The following ANKRD26 variants were observed in gnomAD, a reference collection of about 807,000 sequenced individuals.
The protein encoded by ANKRD26 is ankyrin repeat domain 26, also known as ankyrin repeat domain-containing protein 26.
A neutral mutation model predicts 208.7 loss-of-function variants in ANKRD26; 141 were observed. The ratio of observed to expected loss-of-function variants is 0.68; its 90% CI spans 0.59 to 0.78. The LOEUF (loss-of-function observed/expected upper bound fraction) is 0.78. Ranked by LOEUF, ANKRD26 falls within the 30% of genes least tolerant of loss-of-function variation. ANKRD26 has a pLI of 0.00. For missense variants in ANKRD26, 1,889 were observed against 1,938.7 expected (o/e 0.97, Z 0.48); for synonymous variants, 636 against 660.4 (o/e 0.96, Z 0.57).
intron 16 of ANKRD26, chr10:27,052,039 G>A: frequency 2.0e-6 from 2 of 985,312 alleles, no homozygotes; most frequent in Non-Finnish European, 2.4e-6. Flanking sequence ...TTCAGTTCTG[G>A]TTCTTGAGAC....
At chr10:26,956,544 A>T in the ANKRD26 span, among the ~76,000 whole-genome samples, 1 of 152,078 alleles carries the variant, frequency 6.6e-6, no homozygotes, top group Non-Finnish European at 1.5e-5. Context: ...AAGTAGGAGG[A>T]TCACTTGAGC....
chr10:26,963,376 C>T, the ANKRD26 span, among the ~76,000 whole-genome samples: 1 of 152,198 alleles, frequency 6.6e-6, no homozygotes, highest in Non-Finnish European at 1.5e-5. Context: ...CACAAATTTC[C>T]TTGAATGCTC....
intron 5 of ANKRD26, among the ~76,000 whole-genome samples, chr10:27,084,229 A>AAAAAAG (rs201506660): frequency 0.11 from 14,871 of 140,282 alleles, 910 homozygotes; most frequent in East Asian, 0.31. Context: ...AAAAAAAAAA[A>AAAAAAG]AAAAAAGAAA....
intron 33 of ANKRD26, 73 bp from the exon 34 acceptor site, chr10:27,005,796 A>G (rs1184857269): frequency 1.3e-6 from 2 of 1,534,402 alleles, no homozygotes; most frequent in Non-Finnish European, 1.7e-6. Flanking sequence ...AGTCAGTAAA[A>G]GAGTTGAGAA....
chr10:26,987,505 T>A (rs2052410807), downstream of ANKRD26, among the ~76,000 whole-genome samples: 1 of 152,194 alleles, frequency 6.6e-6, no homozygotes, highest in African/African-American at 2.4e-5. Flanking sequence ...CGGCATAGCC[T>A]GTTCTAACAT....
chr10:26,960,457 A>G, the ANKRD26 span, among the ~76,000 whole-genome samples: 1 of 152,180 alleles, frequency 6.6e-6, no homozygotes, highest in South Asian at 2.1e-4. Flanking sequence ...GCTCCTCCAG[A>G]CCAGCCTAGC....
Position 27,040,096 on chromosome 10 carries a change from T to C in ANKRD26, c.2244A>G (p.Leu748=), listed in dbSNP as rs2054180750. Residue 748 remains leucine (L), a synonymous_variant, in exon 21 of 34, where the codon CTA becomes CTG. Transcript: ENST00000376087. ...CCATTTTTTTAATTTTTACTGTAAG[T>C]AGTTCACAGTGATTTTTTTTAAGTT... ...LLELKKNHCE[L]LTVKIKKMED... 2 of 1,612,230 alleles carry C rather than the reference T, an allele frequency of 1.2e-6. No homozygotes were observed. The highest frequency in any genetic ancestry group is 1.3e-5 in the African/African-American group (1 of 74,892).
At chr10:27,062,881 C>T (rs565660067) in intron 12 of ANKRD26, among the ~76,000 whole-genome samples, 1 of 151,828 alleles carries the variant, frequency 6.6e-6, no homozygotes, top group South Asian at 2.1e-4. Flanking sequence ...GATTCTCATA[C>T]TTGAGCCTCC....
chr10:27,091,799 C>T (rs938964607), intron 4 of ANKRD26, among the ~76,000 whole-genome samples: 3 of 152,008 alleles, frequency 2.0e-5, no homozygotes, highest in East Asian at 1.9e-4. Flanking sequence ...CCAGCCTGAC[C>T]AACATGATGA....
At chr10:27,084,714 T>C (rs113574268) in intron 5 of ANKRD26, among the ~76,000 whole-genome samples, 7,369 of 151,852 alleles carry the variant, frequency 0.049, 220 homozygotes, top group African/African-American at 0.082. Flanking sequence ...ACTAAAAATA[T>C]AAAAATTGGC....
intron 4 of ANKRD26, among the ~76,000 whole-genome samples, chr10:26,996,270 G>GA (rs796632863): frequency 2.8e-4 from 43 of 150,984 alleles, no homozygotes; most frequent in African/African-American, 8.5e-4. Flanking sequence ...AATATAGTGA[G>GA]AAAAAAAAAG....
chr10:26,983,536 C>G (rs2052339871), intron 3 of ANKRD26, among the ~76,000 whole-genome samples: 1 of 152,166 alleles, frequency 6.6e-6, no homozygotes. Context: ...CACCACATGT[C>G]TCCTGCACTG....
downstream of ANKRD26, among the ~76,000 whole-genome samples, chr10:26,971,831 G>A (rs1400191364): frequency 6.6e-6 from 1 of 152,128 alleles, no homozygotes; most frequent in African/African-American, 2.4e-5. Flanking sequence ...GGTGTCATCT[G>A]CATCATACCA....
At chr10:27,051,048 C>T in intron 16 of ANKRD26, 1 of 1,217,708 alleles carries the variant, frequency 8.2e-7, no homozygotes, top group Non-Finnish European at 1.0e-6. Flanking sequence ...TAGCAGCAAG[C>T]AAACCTCTAC....
At chr10:27,062,053 C>G in intron 12 of ANKRD26, 1 of 985,066 alleles carries the variant, frequency 1.0e-6, no homozygotes, top group African/African-American at 1.7e-5. Flanking sequence ...ATCGTTAACT[C>G]CAAGATGACT....
Position 27,024,633 on chromosome 10 carries a change from T to G in ANKRD26, c.3973-74A>C, listed in dbSNP as rs575328495. On this transcript the variant is annotated intron_variant, in intron 27 of 33. Transcript: ENST00000376087. ...TTTTTCTTAAAACTATTATTTCTTATGAGTTCATGAGTAACATATGTTTAG... is the reference window on the plus strand; with the variant it reads ...TTTTTCTTAAAACTATTATTTCTTAGGAGTTCATGAGTAACATATGTTTAG... 1.0e-4 allele frequency: 83 copies of G among 796,852 alleles called. No individual in the cohort carries two copies. In the South Asian group the frequency reaches 1.3e-3, roughly 12 times the overall value. The allele number at this position is 796,852 out of a possible 1,614,324, so 49.4% of individuals were successfully genotyped here. A position where few individuals can be genotyped will look rare whatever the true frequency, so the allele number is the denominator to read the frequency against.
intron 3 of ANKRD26, among the ~76,000 whole-genome samples, chr10:26,985,417 A>G (rs1018811108): frequency 3.3e-5 from 5 of 152,174 alleles, no homozygotes; most frequent in African/African-American, 1.2e-4. Flanking sequence ...GGTTCACATC[A>G]TATTTCGCTT....
downstream of ANKRD26, among the ~76,000 whole-genome samples, chr10:26,970,822 T>A (rs2052131991): frequency 6.6e-6 from 1 of 152,240 alleles, no homozygotes; most frequent in Non-Finnish European, 1.5e-5. Flanking sequence ...CCAGCACATT[T>A]GCTTACTAAG....
the ANKRD26 span, among the ~76,000 whole-genome samples, chr10:26,965,158 G>A: frequency 2.0e-5 from 3 of 152,146 alleles, no homozygotes; most frequent in Non-Finnish European, 2.9e-5. Flanking sequence ...AACCAAAAAA[G>A]AGCCCTCATT....
Sources: allele counts gnomAD v4.1 joint callset (sites outside exome capture counted in the v4.1 genomes callset), GRCh38; gene constraint gnomAD v4.1.1; transcripts MANE v1.5; gene names NCBI Gene and HGNC (gene_info 2026-07-23, HGNC 2026-07-21).